The following NRF1 variants were observed in gnomAD, a reference collection of about 807,000 sequenced individuals.
NRF1 encodes the protein alpha palindromic-binding protein.
NRF1 carries 5 observed loss-of-function variants against 58.5 expected under a neutral mutation model. The ratio of observed to expected loss-of-function variants is 0.09; its 90% CI spans 0.04 to 0.18. The LOEUF (loss-of-function observed/expected upper bound fraction) is 0.18. Among genes scored for constraint, NRF1 ranks in the 10% least tolerant of loss-of-function variants. NRF1 has a pLI of 1.00. For missense variants in NRF1, 288 were observed against 657.7 expected (o/e 0.44, Z 6.15); for synonymous variants, 224 against 246.7 (o/e 0.91, Z 0.86).
intron 4 of NRF1, among the ~76,000 whole-genome samples, chr7:129,685,491 G>C (rs1359907535): frequency 6.6e-6 from 1 of 151,588 alleles, no homozygotes; most frequent in African/African-American, 2.4e-5. Context: ...TGTGTTACCT[G>C]TATATGTATA....
At chr7:129,721,472 C>T (rs901865554) in intron 9 of NRF1, among the ~76,000 whole-genome samples, 15 of 150,396 alleles carry the variant, frequency 1.0e-4, no homozygotes, top group African/African-American at 3.2e-4. Flanking sequence ...GAAAAATTTG[C>T]TCTTAGTCTT....
At chr7:129,629,178 A>G (rs1379150615) in intron 1 of NRF1, among the ~76,000 whole-genome samples, 3 of 152,232 alleles carry the variant, frequency 2.0e-5, no homozygotes, top group East Asian at 3.8e-4. Flanking sequence ...TCTGAAGAAC[A>G]ATATAGTTTG....
intron 1 of NRF1, among the ~76,000 whole-genome samples, chr7:129,616,495 G>C (rs1250140901): frequency 6.6e-6 from 1 of 152,192 alleles, no homozygotes; most frequent in African/African-American, 2.4e-5. Context: ...AGCTATTCAG[G>C]AGGCTGAGGC....
chr7:129,737,846 C>G (rs1803754137), intron 10 of NRF1, among the ~76,000 whole-genome samples: 1 of 152,224 alleles, frequency 6.6e-6, no homozygotes, highest in African/African-American at 2.4e-5. Flanking sequence ...TTCTATGACA[C>G]TGTGATACTA....
At chr7:129,638,622 ATTCTC>A (rs1296249654) in intron 1 of NRF1, among the ~76,000 whole-genome samples, 2 of 152,176 alleles carry the variant, frequency 1.3e-5, no homozygotes, top group Admixed American at 1.3e-4. Context: ...TGGGATAATT[ATTCTC>A]TTCTCTAGCC....
At chr7:129,715,768 G>A (rs868055061) in intron 8 of NRF1, among the ~76,000 whole-genome samples, 4 of 152,266 alleles carry the variant, frequency 2.6e-5, no homozygotes, top group African/African-American at 9.6e-5. Flanking sequence ...ACTTTGGGAG[G>A]CGGAGGCAGG....
chr7:129,657,339 A>G lies in NRF1; in HGVS notation c.-6-7A>G, dbSNP rs571202470. On this transcript the variant is annotated splice_region_variant and splice_polypyrimidine_tract_variant and intron_variant, in intron 1 of 10. Coordinates refer to ENST00000393232, the MANE Select transcript of NRF1 (RefSeq NM_005011.5). The stretch of plus-strand genomic sequence containing the variant: ...TCCTGTTCTTTTTCTTTTTTGTCTG[A>G]CAGTAGAACTTCATGGAGGAACACG... 51 of 1,596,706 alleles carry G rather than the reference A, an allele frequency of 3.2e-5. No individual in the cohort carries two copies. Among genetic ancestry groups the G allele is most frequent in the South Asian group, 2.5e-4 (23 of 90,672 alleles).
At chr7:129,620,535 C>T (rs1385610042) in intron 1 of NRF1, among the ~76,000 whole-genome samples, 1 of 151,900 alleles carries the variant, frequency 6.6e-6, no homozygotes, top group South Asian at 2.1e-4. Context: ...ATTACAGGCG[C>T]CTGCCACCAT....
At chr7:129,618,024 G>A (rs1197399735) in intron 1 of NRF1, among the ~76,000 whole-genome samples, 5 of 152,158 alleles carry the variant, frequency 3.3e-5, no homozygotes, top group African/African-American at 1.2e-4. Context: ...TAAGAGGTTT[G>A]AGTAGGACAT....
intron 5 of NRF1, among the ~76,000 whole-genome samples, chr7:129,697,571 A>C (rs189055919): frequency 1.1e-4 from 16 of 152,154 alleles, no homozygotes; most frequent in Non-Finnish European, 2.4e-4. Flanking sequence ...ATTGAGGCAT[A>C]AATAGAAAAT....
intron 4 of NRF1, among the ~76,000 whole-genome samples, chr7:129,684,751 T>A (rs1301608532): frequency 6.6e-6 from 1 of 152,182 alleles, no homozygotes; most frequent in African/African-American, 2.4e-5. Flanking sequence ...ATGTGGAAAG[T>A]AGTATAGTGA....
intron 10 of NRF1, among the ~76,000 whole-genome samples, chr7:129,733,386 G>C (rs928333444): frequency 1.3e-5 from 2 of 151,372 alleles, no homozygotes; most frequent in African/African-American, 2.4e-5. Context: ...AGAACGGCGT[G>C]AACCTGGGAG....
At chr7:129,714,566 A>G (rs1337269812) in intron 8 of NRF1, among the ~76,000 whole-genome samples, 6 of 152,158 alleles carry the variant, frequency 3.9e-5, no homozygotes, top group African/African-American at 1.2e-4. Context: ...CATTGGAGCA[A>G]TGAGATCAAA....
At chr7:129,721,030 A>G (rs1187206508) in intron 9 of NRF1, among the ~76,000 whole-genome samples, 2 of 151,828 alleles carry the variant, frequency 1.3e-5, no homozygotes, top group African/African-American at 4.8e-5. Flanking sequence ...ATATATATGT[A>G]TATAAAAAAT....
chr7:129,673,183 C>CA (rs1369850589), intron 3 of NRF1, among the ~76,000 whole-genome samples: 1 of 152,012 alleles, frequency 6.6e-6, no homozygotes, highest in Non-Finnish European at 1.5e-5. Flanking sequence ...TTGAACTTGA[C>CA]AAGAGTATAT....
At chr7:129,732,357 G>GT (rs375493992) in intron 10 of NRF1, among the ~76,000 whole-genome samples, 184 of 152,330 alleles carry the variant, frequency 1.2e-3, no homozygotes, top group African/African-American at 4.1e-3. Context: ...TAACAAGTTC[G>GT]TAAGTATTGG....
chr7:129,687,045 A>G (rs1287859987), intron 4 of NRF1, among the ~76,000 whole-genome samples: 1 of 152,214 alleles, frequency 6.6e-6, no homozygotes, highest in African/African-American at 2.4e-5. Flanking sequence ...ATTTTTGTAT[A>G]CATATATAAA....
chr7:129,679,616 G>A (rs1187045352), intron 4 of NRF1, among the ~76,000 whole-genome samples: 6 of 150,898 alleles, frequency 4.0e-5, no homozygotes, highest in Admixed American at 2.7e-4. Flanking sequence ...CCAGCTACTC[G>A]GGAGGCTGAG....
rs145015914 is a variant in NRF1, at chr7:129,618,530, A to C, written c.-7+6706A>C. The stretch of plus-strand genomic sequence containing the variant: ...GGCAACGTTGTGAGACCCTGTTTCT[A>C]CAAAAATTTAAAAAATTTGTCAGGT... On this transcript the variant is annotated intron_variant, in intron 1 of 10. Coordinates refer to ENST00000393232, the MANE Select transcript of NRF1 (RefSeq NM_005011.5). 2.2e-3 allele frequency among the ~76,000 whole-genome samples: 340 copies of C among 152,306 alleles called. 3 individuals carry two copies. Among genetic ancestry groups the C allele is most frequent in the African/African-American group, 7.4e-3 (309 of 41,562 alleles).
Sources: allele counts gnomAD v4.1 joint callset (sites outside exome capture counted in the v4.1 genomes callset), GRCh38; gene constraint gnomAD v4.1.1; transcripts MANE v1.5; gene names NCBI Gene and HGNC (gene_info 2026-07-23, HGNC 2026-07-21).